The following CCDC39 variants were observed in gnomAD, a reference collection of about 807,000 sequenced individuals.
CCDC39 encodes coiled-coil domain 39 molecular ruler complex subunit.
CCDC39 carries 113 observed loss-of-function variants against 121.0 expected under a neutral mutation model. The ratio of observed to expected loss-of-function variants is 0.93; its 90% CI spans 0.80 to 1.09. The LOEUF is 1.09. CCDC39 is among the 50% of genes least tolerant of loss of function. CCDC39 has a pLI of 0.00. For missense variants in CCDC39, 1,063 were observed against 1,074.7 expected, an observed-to-expected ratio of 0.99 and a Z score of 0.15; for synonymous variants, 349 against 352.2, an observed-to-expected ratio of 0.99 and a Z score of 0.10.
Position 180,660,561 on chromosome 3 carries a change from A to G in CCDC39, c.516+9T>C, listed in dbSNP as rs2108429420. ...GAAAACCTAACAGTTACAATTTGTA[A>G]TTTCTCACCCTGATTTTATTATCAT... On this transcript the variant is annotated intron_variant, in intron 4 of 19. Coordinates refer to ENST00000476379, the MANE Select transcript of CCDC39 (RefSeq NM_181426.2). 1 of 1,558,526 alleles carries G rather than the reference A, an allele frequency of 6.4e-7. No homozygotes were observed. Among genetic ancestry groups the G allele is most frequent in the Non-Finnish European group, 8.7e-7 (1 of 1,146,410 alleles).
At chr3:180,672,370 G>T (rs1712073384) in intron 1 of CCDC39, among the ~76,000 whole-genome samples, 1 of 152,208 alleles carries the variant, frequency 6.6e-6, no homozygotes, top group Middle Eastern at 3.2e-3. Context: ...AAGGCAGGCA[G>T]ATCACTTGAG....
intron 14 of CCDC39, among the ~76,000 whole-genome samples, chr3:180,622,044 C>T (rs1386749943): frequency 6.6e-6 from 1 of 152,060 alleles, no homozygotes; most frequent in Non-Finnish European, 1.5e-5. Context: ...TTAATTCTTC[C>T]AATCCATGAG....
chr3:180,619,453 T>C (rs534363667), intron 15 of CCDC39, 88 bp from the exon 16 acceptor site: 1 of 729,998 alleles, frequency 1.4e-6, no homozygotes, highest in African/African-American at 1.8e-5. Flanking sequence ...ACCAATATTT[T>C]TGTTATGAAA....
Position 180,647,109 on chromosome 3 carries a change from G to A in CCDC39, c.1497C>T (p.Gly499=). The A allele has an allele frequency of 1.9e-6, 3 of 1,608,496 alleles. No individual in the cohort carries two copies. Among genetic ancestry groups the A allele is most frequent in the African/African-American group, 1.3e-5 (1 of 74,662 alleles). Residue 499 remains glycine (G), a synonymous_variant, in exon 11 of 20, where the codon GGC becomes GGT. Coordinates refer to ENST00000476379, the MANE Select transcript of CCDC39 (RefSeq NM_181426.2). The part of the protein sequence containing the change: ...KSLEEKKSTC[G]LLETQIKKLH... Reference sequence around the variant, plus strand: ...GCTTCTTGATCTGTGTTTCCAAAAGGCCACATGTAGATTTTTTCTCTTCCA... The same window carrying A: ...GCTTCTTGATCTGTGTTTCCAAAAGACCACATGTAGATTTTTTCTCTTCCA...
At position 180,661,911 on chromosome 3, in the gene CCDC39, G is replaced by A. The variant is rs61733582; in HGVS notation, c.307C>T (p.Arg103Trp). ...ATTGAAGCCATCTCATTTTCCAGCC[G>A]TTGAATTTCATCTTTCACTCGTCCC... ...ELGRVKDEIQ[R>W]LENEMASILE... The change falls in exon 3 of 20, where the codon CGG becomes TGG. Residue 103 changes from arginine to tryptophan, a missense_variant. Physicochemically the swap from Arg to Trp is moderately radical, Grantham distance 101. Transcript: ENST00000476379. 1.9e-4 allele frequency: 308 copies of A among 1,587,208 alleles called. No individual in the cohort carries two copies. The highest frequency in any genetic ancestry group is 1.4e-3 in the East Asian group (61 of 44,124).
chr3:180,627,163 T>C (rs777046503), intron 14 of CCDC39, among the ~76,000 whole-genome samples: 1 of 152,218 alleles, frequency 6.6e-6, no homozygotes, highest in Non-Finnish European at 1.5e-5. Context: ...AAAGATAAGT[T>C]TTATTAGTAA....
In CCDC39 at chr3:180,654,221, C is replaced by CAAAAA. The variant is rs76424115; in HGVS notation, c.930+536_930+540dup. Among the ~76,000 whole-genome samples, 316 of 44,162 alleles carry CAAAAA rather than the reference C, an allele frequency of 7.2e-3. 1 individual carries two copies. The highest frequency in any genetic ancestry group is 0.028 in the East Asian group (34 of 1,194). 29.0% of individuals were successfully genotyped at this position (44,162 alleles called of 152,430 possible). On this transcript the variant is annotated intron_variant, in intron 7 of 19. Coordinates refer to ENST00000476379, the MANE Select transcript of CCDC39 (RefSeq NM_181426.2). ...GTTAAGAAAACTGGATAGCCACACG[C>CAAAAA]AAAAAAAAAAAAAAAAAAAAAGAGA... is the stretch of plus-strand genomic sequence containing the variant.
In CCDC39 at chr3:180,679,233, A is replaced by G; in HGVS notation, c.90+58T>C. 1 of 1,399,522 alleles carries G rather than the reference A, an allele frequency of 7.1e-7. No homozygotes were observed. Among genetic ancestry groups the G allele is most frequent in the Non-Finnish European group, 1.0e-6 (1 of 983,874 alleles). 86.7% of individuals were successfully genotyped at this position (1,399,522 alleles called of 1,614,324 possible). On this transcript the variant is annotated intron_variant, in intron 1 of 19. Coordinates refer to ENST00000476379, the MANE Select transcript of CCDC39 (RefSeq NM_181426.2). This position sits in a 1 kb window ranked among gnomAD's most constrained non-coding sequence, Gnocchi z 4.0. ...AAGGGCTGGGGTAGTACTGCCAACC[A>G]GAAAACGCCCCCAACAGGCTCTCTC...
At chr3:180,678,742 A>C (rs1202325581) in intron 1 of CCDC39, among the ~76,000 whole-genome samples, 1 of 151,982 alleles carries the variant, frequency 6.6e-6, no homozygotes, top group African/African-American at 2.4e-5. Flanking sequence ...TTAATCTGTG[A>C]CAACTCAATC....
rs772459248 is a variant in CCDC39, at chr3:180,642,026, A to G, written c.1841T>C (p.Ile614Thr). ...TTCCCGTTCTTGATCAACATATCTT[A>G]TTTGTGACGCAAGCATTGTTTTATG... is the stretch of plus-strand genomic sequence containing the variant. ...KVHKTMLASQ[I>T]RYVDQERENI... The change falls in exon 13 of 20, where the codon ATA becomes ACA. Residue 614 changes from isoleucine (I) to threonine (T), a missense_variant. By Grantham distance (89) the Ile-to-Thr change is moderately conservative. Transcript: ENST00000476379. 7 of 1,601,998 alleles carry G rather than the reference A, an allele frequency of 4.4e-6. No homozygotes were observed. Among genetic ancestry groups the G allele is most frequent in the Non-Finnish European group, 6.0e-6 (7 of 1,173,760 alleles).
chr3:180,653,941 C>T (rs1463374297), intron 7 of CCDC39, among the ~76,000 whole-genome samples: 1 of 151,144 alleles, frequency 6.6e-6, no homozygotes, highest in Non-Finnish European at 1.5e-5. Context: ...ATTTGTTTCC[C>T]TTTTTATTGT....
chr3:180,677,168 T>TTTTATATA lies in CCDC39; in HGVS notation c.90+2122_90+2123insTATATAAA, dbSNP rs373676653. On this transcript the variant is annotated intron_variant, in intron 1 of 19. Coordinates refer to ENST00000476379, the MANE Select transcript of CCDC39 (RefSeq NM_181426.2). ...TATAATAATAATAATAATAATAATT[T>TTTTATATA]TATATATATATATATATATATATAT... Among the ~76,000 whole-genome samples the TTTTATATA allele has an allele frequency of 7.4e-4, 26 of 35,176 alleles. 1 individual carries two copies. The highest frequency in any genetic ancestry group is 1.8e-3 in the African/African-American group (18 of 9,864). The allele number at this position is 35,176 out of a possible 152,430, so 23.1% of individuals were successfully genotyped here. A position where few individuals can be genotyped will look rare whatever the true frequency, so the allele number is the denominator to read the frequency against.
At chr3:180,627,216 G>T (rs1459818726) in intron 14 of CCDC39, among the ~76,000 whole-genome samples, 2 of 152,082 alleles carry the variant, frequency 1.3e-5, no homozygotes. Context: ...ATTTTATCGT[G>T]CTTCAGAACA....
At chr3:180,665,914 A>C (rs1711861321) in intron 1 of CCDC39, among the ~76,000 whole-genome samples, 1 of 152,146 alleles carries the variant, frequency 6.6e-6, no homozygotes, top group South Asian at 2.1e-4. Context: ...GTGACCTACA[A>C]AATGTTTGTT....
At position 180,644,182 on chromosome 3, in the gene CCDC39, C is replaced by A. The variant is rs1718020912; in HGVS notation, c.1603G>T (p.Glu535Ter). The change falls in exon 12 of 20, where the codon GAA becomes TAA. Residue 535 changes from glutamate (E) to a stop codon, truncating the protein, a stop_gained. Coordinates refer to ENST00000476379, the MANE Select transcript of CCDC39 (RefSeq NM_181426.2). LOFTEE classifies it high-confidence loss of function. ...EKQSLMTKIN[E>*]LNLFIDRSEK... ...GATCTGTCGATGAAAAGGTTTAGTT[C>A]ATTTATTTTGGTCATAAGGGACTGT... The A allele has an allele frequency of 6.5e-7, 1 of 1,545,138 alleles. No individual in the cohort carries two copies. Among genetic ancestry groups the A allele is most frequent in the East Asian group, 2.5e-5 (1 of 40,490 alleles).
chr3:180,619,894 A>T lies in CCDC39; in HGVS notation c.2075T>A (p.Ile692Asn), dbSNP rs777800918. ...DAKINKAEKE[I>N]YALENTLQVL... is the part of the protein sequence containing the mutation. ...TTGAAGGGTATTTTCTAGAGCGTAG[A>T]TTTCTTTTTCAGCTTTGTTGATCTT... Residue 692 changes from isoleucine to asparagine, a missense_variant, in exon 15 of 20, where the codon ATC becomes AAC. By Grantham distance (149) the Ile-to-Asn change is moderately radical (BLOSUM62 -3). Coordinates refer to ENST00000476379, the MANE Select transcript of CCDC39 (RefSeq NM_181426.2). 6.2e-7 allele frequency: 1 copy of T among 1,610,520 alleles called. No individual in the cohort carries two copies. The highest frequency in any genetic ancestry group is 1.1e-5 in the South Asian group (1 of 90,760).
At chr3:180,642,265 T>G (rs915432134) in intron 12 of CCDC39, 64 bp from the exon 13 acceptor site, 2 of 1,016,760 alleles carry the variant, frequency 2.0e-6, no homozygotes, top group Non-Finnish European at 2.8e-6. Flanking sequence ...AAAATTTTTT[T>G]TATTGCTATA....
chr3:180,618,046 C>T (rs1487320350), intron 16 of CCDC39, among the ~76,000 whole-genome samples: 1 of 152,098 alleles, frequency 6.6e-6, no homozygotes, highest in African/African-American at 2.4e-5. Flanking sequence ...TTTAGATACA[C>T]AAGTACCACT....
At position 180,616,279 on chromosome 3, in the gene CCDC39, A is replaced by T. The variant is rs1392482298; in HGVS notation, c.2669+2T>A. On this transcript the variant is annotated splice_donor_variant, in intron 19 of 19. Transcript: ENST00000476379. LOFTEE classifies it high-confidence loss of function. ...CAGATTTTTTTTTAACCCTCCGCTT[A>T]CCTTGCTGATAGTGAAGTATGTGAA... 3.1e-6 allele frequency: 5 copies of T among 1,612,874 alleles called. No homozygotes were observed. Among genetic ancestry groups the T allele is most frequent in the African/African-American group, 1.3e-5 (1 of 74,856 alleles).
Sources: gnomAD v4.1 joint callset for allele counts (sites outside exome capture counted in the v4.1 genomes callset) on GRCh38, gnomAD v4.1.1 for gene constraint, Gnocchi (gnomAD v3.1) non-coding constraint, MANE v1.5 for transcripts, NCBI Gene and HGNC (gene_info 2026-07-23, HGNC 2026-07-21) for gene names.